FOCAD: variants seen among roughly 807,000 people sequenced by gnomAD.
FOCAD encodes focadhesin.
Under a neutral mutation model 225.6 loss-of-function variants are expected in FOCAD, and 198 were observed. The observed-to-expected ratio is 0.88, with a 90% CI of 0.78 to 0.99. FOCAD has a LOEUF of 0.99. Ranked by LOEUF, FOCAD falls within the 50% of genes least tolerant of loss-of-function variation. The pLI, the probability that FOCAD is intolerant of heterozygous loss-of-function variation, is 0.00. For missense variants in FOCAD, 2,713 were observed against 2,123.6 expected, an observed-to-expected ratio of 1.28 and a Z score of -5.46; for synonymous variants, 897 against 755.0, an observed-to-expected ratio of 1.19 and a Z score of -3.08.
intron 5 of FOCAD, among the ~76,000 whole-genome samples, chr9:20,754,584 G>T (rs773795842): frequency 6.6e-6 from 1 of 151,634 alleles, no homozygotes; most frequent in Non-Finnish European, 1.5e-5. Context: ...CTGGTGCAAT[G>T]CTTTCTTCGG....
intron 18 of FOCAD, among the ~76,000 whole-genome samples, chr9:20,870,536 T>A (rs576398460): frequency 6.6e-6 from 1 of 152,308 alleles, no homozygotes; most frequent in African/African-American, 2.4e-5. Flanking sequence ...GTGATACATA[T>A]TAGGTAGAAA....
At chr9:20,976,142 A>T (rs1337924368) in intron 35 of FOCAD, among the ~76,000 whole-genome samples, 1 of 152,200 alleles carries the variant, frequency 6.6e-6, no homozygotes, top group Non-Finnish European at 1.5e-5. Flanking sequence ...TTCATTGCAC[A>T]TATGTATGGA....
intron 1 of FOCAD, among the ~76,000 whole-genome samples, chr9:20,695,839 G>A (rs114127069): frequency 0.036 from 5,473 of 152,286 alleles, 117 homozygotes; most frequent in Middle Eastern, 0.11. Flanking sequence ...GGTATGAATT[G>A]AATATAAATC....
chr9:20,948,200 A>G (rs928099700), intron 30 of FOCAD, 71 bp from the exon 31 acceptor site: 2 of 1,401,628 alleles, frequency 1.4e-6, no homozygotes, highest in African/African-American at 1.5e-5. Flanking sequence ...TTATGTTGCT[A>G]TTTATAAACA....
chr9:20,835,751 C>T (rs957895231), intron 15 of FOCAD, among the ~76,000 whole-genome samples: 7 of 152,074 alleles, frequency 4.6e-5, no homozygotes, highest in Non-Finnish European at 7.4e-5. Context: ...GGCAGTGCCA[C>T]TCCTGTGTTT....
At chr9:20,837,815 G>T (rs1256101951) in intron 15 of FOCAD, among the ~76,000 whole-genome samples, 2 of 152,012 alleles carry the variant, frequency 1.3e-5, no homozygotes, top group Non-Finnish European at 2.9e-5. Context: ...ATGTAAACAT[G>T]TCCATAAGAA....
At chr9:20,826,132 G>A (rs1013398033) in intron 15 of FOCAD, among the ~76,000 whole-genome samples, 1 of 152,078 alleles carries the variant, frequency 6.6e-6, no homozygotes, top group Non-Finnish European at 1.5e-5. Flanking sequence ...TGATTGGATT[G>A]AAGGATGCAG....
chr9:20,795,448 T>C, intron 11 of FOCAD, among the ~76,000 whole-genome samples: 1 of 151,990 alleles, frequency 6.6e-6, no homozygotes, highest in East Asian at 1.9e-4. Flanking sequence ...AAATTGAAAA[T>C]TAAATGATGA....
intron 1 of FOCAD, among the ~76,000 whole-genome samples, chr9:20,705,725 G>GAA (rs924863199): frequency 1.4e-5 from 2 of 145,834 alleles, no homozygotes; most frequent in East Asian, 4.0e-4. Flanking sequence ...TATAATATTG[G>GAA]AAAAAAAAAA....
intron 21 of FOCAD, among the ~76,000 whole-genome samples, chr9:20,895,606 C>T (rs1012342357): frequency 2.0e-5 from 3 of 151,454 alleles, no homozygotes; most frequent in Admixed American, 6.6e-5. Flanking sequence ...TAGGTTTATA[C>T]ATAAGTATTT....
intron 21 of FOCAD, among the ~76,000 whole-genome samples, chr9:20,905,300 G>A (rs1442340051): frequency 6.6e-6 from 1 of 151,836 alleles, no homozygotes; most frequent in Non-Finnish European, 1.5e-5. Context: ...AGGTTTCCTG[G>A]CATGAATGTT....
At position 20,881,258 on chromosome 9, in the gene FOCAD, G is replaced by C. The variant is rs145452984; in HGVS notation, c.2318-613G>C. Among the ~76,000 whole-genome samples the C allele has an allele frequency of 2.3e-3, 355 of 152,304 alleles. 1 individual carries two copies. Among genetic ancestry groups the C allele is most frequent in the African/African-American group, 8.4e-3 (348 of 41,554 alleles). ...GCACTGACTTAAATATCAACTTTGTGTTTTTGAGGAATGGAAAGAGGCCAT... is the reference window on the plus strand; with the variant it reads ...GCACTGACTTAAATATCAACTTTGTCTTTTTGAGGAATGGAAAGAGGCCAT... On this transcript the variant is annotated intron_variant, in intron 19 of 43. Transcript: ENST00000338382.
chr9:20,948,350 G>T lies in FOCAD; in HGVS notation c.3755G>T (p.Gly1252Val), dbSNP rs1026657127. 1 of 1,612,648 alleles carries T rather than the reference G, an allele frequency of 6.2e-7. No individual in the cohort carries two copies. Among genetic ancestry groups the T allele is most frequent in the East Asian group, 2.2e-5 (1 of 44,790 alleles). Residue 1252 changes from glycine to valine, a missense_variant, in exon 31 of 44, where the codon GGC becomes GTC. Coordinates refer to ENST00000338382, the MANE Select transcript of FOCAD (RefSeq NM_001375567.1). ...VCGHGKAEDLGSKLLPAWIRI... is the reference protein window; with the variant it reads ...VCGHGKAEDLVSKLLPAWIRI... ...GGACATGGAAAAGCTGAAGACTTGG[G>T]CAGCAAACTACTCCCTGCCTGGATC... is the stretch of plus-strand genomic sequence containing the variant.
At chr9:20,908,127 A>G (rs1326733519) in intron 22 of FOCAD, among the ~76,000 whole-genome samples, 1 of 152,142 alleles carries the variant, frequency 6.6e-6, no homozygotes, top group Non-Finnish European at 1.5e-5. Flanking sequence ...TACAGTTAAC[A>G]ATACAAGAAA....
chr9:20,932,899 T>G (rs944697178), intron 27 of FOCAD, 115 bp from the exon 28 acceptor site: 24 of 738,694 alleles, frequency 3.2e-5, no homozygotes, highest in Non-Finnish European at 4.5e-6. Context: ...ACTTTTTTTT[T>G]TAAGAGAAAT....
At chr9:20,886,827 A>G (rs552919777) in intron 21 of FOCAD, among the ~76,000 whole-genome samples, 9 of 152,338 alleles carry the variant, frequency 5.9e-5, no homozygotes, top group African/African-American at 2.2e-4. Flanking sequence ...TGTGACAAGA[A>G]ATAATATGAA....
At chr9:20,670,583 G>A (rs1180951164) in intron 2 of FOCAD, among the ~76,000 whole-genome samples, 4 of 152,154 alleles carry the variant, frequency 2.6e-5, no homozygotes, top group Non-Finnish European at 5.9e-5. Context: ...CGCGAGAACA[G>A]CATGGGGGAA....
chr9:20,923,659 G>A lies in FOCAD; in HGVS notation c.2853-1G>A. On this transcript the variant is annotated splice_acceptor_variant, in intron 24 of 43. Coordinates refer to ENST00000338382, the MANE Select transcript of FOCAD (RefSeq NM_001375567.1). LOFTEE classifies it high-confidence loss of function. ...GTTGAAATTTTTTTCCTTTTGAACA[G>A]GGAGAGTCCGGTAGTGAAAGGCAAT... 1 of 1,613,284 alleles carries A rather than the reference G, an allele frequency of 6.2e-7. No individual in the cohort carries two copies. The highest frequency in any genetic ancestry group is 8.5e-7 in the Non-Finnish European group (1 of 1,179,432).
intron 8 of FOCAD, among the ~76,000 whole-genome samples, chr9:20,773,934 G>A (rs1818492178): frequency 6.6e-6 from 1 of 152,130 alleles, no homozygotes; most frequent in South Asian, 2.1e-4. Flanking sequence ...TAGGAACTGG[G>A]CCACACACAG....
Sources: allele counts gnomAD v4.1 joint callset (sites outside exome capture counted in the v4.1 genomes callset), GRCh38; gene constraint gnomAD v4.1.1; transcripts MANE v1.5; gene names NCBI Gene and HGNC (gene_info 2026-07-23, HGNC 2026-07-21).